Variants in HGSNAT observed in about 807,000 individuals in gnomAD.
HGSNAT encodes the protein transmembrane protein 76.
HGSNAT carries 59 observed loss-of-function variants against 85.2 expected under a neutral mutation model. That is an observed-to-expected ratio of 0.69 (90% CI 0.56 to 0.86). HGSNAT has a LOEUF of 0.86. HGSNAT is among the 40% of genes least tolerant of loss of function. HGSNAT has a pLI of 0.00. For missense variants in HGSNAT, 756 were observed against 777.1 expected (o/e 0.97, Z 0.32); for synonymous variants, 321 against 304.5 (o/e 1.05, Z -0.56).
At chr8:43,176,575 C>T (rs1049900204) in intron 9 of HGSNAT, among the ~76,000 whole-genome samples, 4 of 151,804 alleles carry the variant, frequency 2.6e-5, no homozygotes, top group African/African-American at 7.3e-5. Context: ...TTTTCTATTT[C>T]AGTGAAGAAT....
At chr8:43,146,562 C>T (rs1375844107) in intron 1 of HGSNAT, among the ~76,000 whole-genome samples, 1 of 152,180 alleles carries the variant, frequency 6.6e-6, no homozygotes, top group Non-Finnish European at 1.5e-5. Flanking sequence ...AAATACCTAG[C>T]TCATAAGATT....
intron 2 of HGSNAT, among the ~76,000 whole-genome samples, chr8:43,154,843 T>G (rs1157264287): frequency 2.0e-5 from 3 of 152,156 alleles, no homozygotes; most frequent in African/African-American, 7.2e-5. Flanking sequence ...CCACATCCTC[T>G]CCAGCACCTG....
At chr8:43,192,089 C>T (rs959742384) in intron 12 of HGSNAT, among the ~76,000 whole-genome samples, 19 of 152,062 alleles carry the variant, frequency 1.2e-4, no homozygotes, top group Admixed American at 1.0e-3. Context: ...CCACCATGCC[C>T]GGCTAATTTT....
intron 10 of HGSNAT, among the ~76,000 whole-genome samples, chr8:43,181,233 G>C (rs1175932888): frequency 1.5e-5 from 2 of 135,506 alleles, no homozygotes; most frequent in Non-Finnish European, 3.2e-5. Flanking sequence ...GGGAGAGGGA[G>C]AGCATTTCAT....
At chr8:43,140,910 CCGTCTAAACAGAGGCCG>C (rs1354045176) in intron 1 of HGSNAT, among the ~76,000 whole-genome samples, 3 of 152,308 alleles carry the variant, frequency 2.0e-5, no homozygotes, top group Non-Finnish European at 4.4e-5. Flanking sequence ...CTGGCGCCTT[CCGTCTAAACAGAGGCCG>C]CGGATCGGGA....
At chr8:43,175,099 G>GTA (rs1803763786) in intron 9 of HGSNAT, among the ~76,000 whole-genome samples, 1 of 152,158 alleles carries the variant, frequency 6.6e-6, no homozygotes, top group Non-Finnish European at 1.5e-5. Context: ...ACTTCATTGT[G>GTA]TATATACACC....
At chr8:43,183,081 T>C (rs1438078329) in intron 11 of HGSNAT, among the ~76,000 whole-genome samples, 1 of 152,230 alleles carries the variant, frequency 6.6e-6, no homozygotes, top group Non-Finnish European at 1.5e-5. Context: ...TCAGGGTAAT[T>C]AGCATATTCA....
At chr8:43,188,683 A>C (rs1234201959) in intron 11 of HGSNAT, among the ~76,000 whole-genome samples, 1 of 152,144 alleles carries the variant, frequency 6.6e-6, no homozygotes, top group Non-Finnish European at 1.5e-5. Context: ...GGTTTGTTCC[A>C]TTGCTGGCGA....
At chr8:43,157,784 AAAAT>A (rs763428047) in intron 2 of HGSNAT, among the ~76,000 whole-genome samples, 4 of 152,224 alleles carry the variant, frequency 2.6e-5, no homozygotes, top group African/African-American at 4.8e-5. Context: ...TCTCAAAACA[AAAAT>A]AAAACAAAAC....
rs556318576 is a variant in HGSNAT, at chr8:43,144,039, C to T, written c.119-2909C>T. ...TTTGGTTAAAGATTTTACTCTTGGG[C>T]CCGGTGTGGTGGCTCACGCCTGTAG... On this transcript the variant is annotated intron_variant, in intron 1 of 17. Transcript: ENST00000379644. Among the ~76,000 whole-genome samples, 5 of 152,156 alleles carry T rather than the reference C, an allele frequency of 3.3e-5. No individual in the cohort carries two copies. The South Asian group carries it at 8.3e-4, about 25-fold the overall frequency.
At chr8:43,197,064 C>A in intron 15 of HGSNAT, 39 bp downstream of exon 15, 1 of 1,325,392 alleles carries the variant, frequency 7.5e-7, no homozygotes, top group Non-Finnish European at 1.1e-6. Flanking sequence ...TCCTTTCCTT[C>A]ACATGTATAG....
intron 5 of HGSNAT, among the ~76,000 whole-genome samples, chr8:43,167,361 G>A (rs1050775320): frequency 2.6e-5 from 4 of 152,120 alleles, no homozygotes; most frequent in African/African-American, 7.2e-5. Flanking sequence ...TCTTGATTTC[G>A]GAAATTGCCA....
At chr8:43,167,923 CTTTT>C (rs71231896) in intron 5 of HGSNAT, 21 of 236,484 alleles carry the variant, frequency 8.9e-5, no homozygotes, top group Non-Finnish European at 1.3e-4. Context: ...TTCTTTCTTT[CTTTT>C]TTTTTTTTTG....
At chr8:43,152,607 C>T (rs1802953968) in intron 2 of HGSNAT, among the ~76,000 whole-genome samples, 1 of 152,036 alleles carries the variant, frequency 6.6e-6, no homozygotes, top group Non-Finnish European at 1.5e-5. Flanking sequence ...TGGACCATGA[C>T]ACCCAGCTAA....
chr8:43,140,663 C>T (rs2130649266), intron 1 of HGSNAT, 49 bp downstream of exon 1: 1 of 971,070 alleles, frequency 1.0e-6, no homozygotes, highest in South Asian at 2.9e-5. Flanking sequence ...AGCGCAGCGT[C>T]TCCTCTCCGC....
intron 4 of HGSNAT, among the ~76,000 whole-genome samples, chr8:43,159,616 T>G (rs1347584871): frequency 6.6e-6 from 1 of 152,192 alleles, no homozygotes; most frequent in Non-Finnish European, 1.5e-5. Context: ...TATCAATACA[T>G]TCTCATAGTT....
At chr8:43,145,882 C>T (rs1802698597) in intron 1 of HGSNAT, among the ~76,000 whole-genome samples, 1 of 152,170 alleles carries the variant, frequency 6.6e-6, no homozygotes, top group South Asian at 2.1e-4. Flanking sequence ...TTACCTTCCT[C>T]ATTGTGTTAT....
intron 7 of HGSNAT, 90 bp downstream of exon 7, chr8:43,170,784 T>C (rs1803601004): frequency 1.2e-5 from 9 of 761,720 alleles, no homozygotes; most frequent in African/African-American, 1.8e-5. Context: ...TTAAGGACTT[T>C]TACATATCTT....
At chr8:43,158,201 C>T (rs939174164) in intron 2 of HGSNAT, among the ~76,000 whole-genome samples, 13 of 152,066 alleles carry the variant, frequency 8.5e-5, no homozygotes, top group Admixed American at 6.6e-4. Flanking sequence ...CTGGTTCAAG[C>T]GATTCTCCTG....
Sources: allele counts gnomAD v4.1 joint callset (sites outside exome capture counted in the v4.1 genomes callset), GRCh38; gene constraint gnomAD v4.1.1; transcripts MANE v1.5; gene names NCBI Gene and HGNC (gene_info 2026-07-23, HGNC 2026-07-21).